The following ITFG1 variants were observed in gnomAD, a reference collection of about 807,000 sequenced individuals.
The protein encoded by ITFG1 is integrin alpha FG-GAP repeat containing 1.
A neutral mutation model predicts 81.8 loss-of-function variants in ITFG1; 34 were observed. The ratio of observed to expected loss-of-function variants is 0.42; its 90% CI spans 0.32 to 0.55. ITFG1 has a LOEUF of 0.55. Ranked by LOEUF, ITFG1 falls within the 20% of genes least tolerant of loss-of-function variation. ITFG1 has a pLI of 0.17. For missense variants in ITFG1, 672 were observed against 755.4 expected, an observed-to-expected ratio of 0.89 and a Z score of 1.29; for synonymous variants, 285 against 270.6, an observed-to-expected ratio of 1.05 and a Z score of -0.52.
intron 14 of ITFG1, among the ~76,000 whole-genome samples, chr16:47,214,385 A>G (rs1185153101): frequency 6.6e-6 from 1 of 152,224 alleles, no homozygotes; most frequent in Non-Finnish European, 1.5e-5. Context: ...TAAGTCGTTT[A>G]TGGGGTAGAA....
intron 5 of ITFG1, among the ~76,000 whole-genome samples, chr16:47,440,841 C>G (rs1278571585): frequency 1.3e-5 from 2 of 152,082 alleles, no homozygotes; most frequent in African/African-American, 4.8e-5. Context: ...AAGATCAGAG[C>G]AGAACTGAAG....
chr16:47,356,301 A>G (rs1318134180), intron 8 of ITFG1, among the ~76,000 whole-genome samples: 2 of 152,254 alleles, frequency 1.3e-5, no homozygotes, highest in African/African-American at 4.8e-5. Context: ...GCATTATGAA[A>G]AAGAAGCAAA....
At chr16:47,367,853 C>T (rs1007162986) in intron 7 of ITFG1, among the ~76,000 whole-genome samples, 10 of 152,190 alleles carry the variant, frequency 6.6e-5, no homozygotes, top group African/African-American at 2.4e-4. Context: ...GCTTTCCCTC[C>T]AGTCTTACCT....
chr16:47,387,887 A>G (rs1415533510), intron 6 of ITFG1, among the ~76,000 whole-genome samples: 1 of 152,178 alleles, frequency 6.6e-6, no homozygotes, highest in Non-Finnish European at 1.5e-5. Context: ...GAGAGGGACC[A>G]GATGTAAATT....
intron 6 of ITFG1, among the ~76,000 whole-genome samples, chr16:47,423,826 G>A (rs1968983546): frequency 6.6e-6 from 1 of 152,116 alleles, no homozygotes; most frequent in African/African-American, 2.4e-5. Context: ...TCCCTTTGTG[G>A]GTAACCCGAC....
intron 13 of ITFG1, among the ~76,000 whole-genome samples, chr16:47,225,862 T>C (rs539469196): frequency 1.3e-5 from 2 of 152,196 alleles, no homozygotes; most frequent in Non-Finnish European, 2.9e-5. Flanking sequence ...TAAAGAGTAC[T>C]GTTAAAGGTA....
chr16:47,282,521 G>T (rs1280827460), intron 10 of ITFG1, among the ~76,000 whole-genome samples: 1 of 151,992 alleles, frequency 6.6e-6, no homozygotes, highest in Non-Finnish European at 1.5e-5. Flanking sequence ...TGATTCCATA[G>T]CTTTGCTACT....
intron 6 of ITFG1, among the ~76,000 whole-genome samples, chr16:47,404,702 C>A (rs1968706244): frequency 6.6e-6 from 1 of 152,112 alleles, no homozygotes; most frequent in Admixed American, 6.6e-5. Context: ...TAAATGTTAT[C>A]ACTTTTCTGA....
At chr16:47,263,161 G>T in intron 10 of ITFG1, 1 of 301,854 alleles carries the variant, frequency 3.3e-6, no homozygotes, top group Non-Finnish European at 6.8e-6. Flanking sequence ...GCATGGGGCT[G>T]TCCATAGGCA....
intron 16 of ITFG1, among the ~76,000 whole-genome samples, chr16:47,160,514 G>A (rs563539078): frequency 6.6e-6 from 1 of 151,850 alleles, no homozygotes; most frequent in South Asian, 2.1e-4. Context: ...TCCTACTCAT[G>A]GTCCAGATTT....
At chr16:47,289,749 G>A (rs1449092396) in intron 10 of ITFG1, among the ~76,000 whole-genome samples, 1 of 151,274 alleles carries the variant, frequency 6.6e-6, no homozygotes, top group Non-Finnish European at 1.5e-5. Context: ...TTTTTATCTA[G>A]ATGAGTCTAG....
intron 8 of ITFG1, among the ~76,000 whole-genome samples, chr16:47,319,482 A>G (rs1453007242): frequency 6.6e-6 from 1 of 152,200 alleles, no homozygotes; most frequent in Non-Finnish European, 1.5e-5. Context: ...TTTAGCTTGC[A>G]ACTTAATCTC....
intron 2 of ITFG1, among the ~76,000 whole-genome samples, chr16:47,455,389 T>TAA (rs1194363544): frequency 7.3e-6 from 1 of 136,748 alleles, no homozygotes; most frequent in Non-Finnish European, 1.6e-5. Flanking sequence ...AGTCTGTCTA[T>TAA]AAAAAAAAAA....
chr16:47,307,109 A>C (rs1398779899), intron 10 of ITFG1, among the ~76,000 whole-genome samples: 2 of 147,900 alleles, frequency 1.4e-5, no homozygotes, highest in Non-Finnish European at 3.0e-5. Context: ...AAAAAAAAAA[A>C]AAAAAAAAAA....
intron 6 of ITFG1, among the ~76,000 whole-genome samples, chr16:47,405,870 G>C (rs1050200454): frequency 6.6e-6 from 1 of 152,174 alleles, no homozygotes; most frequent in African/African-American, 2.4e-5. Flanking sequence ...CCTGGATTAA[G>C]TCCTGGTTCT....
intron 13 of ITFG1, among the ~76,000 whole-genome samples, chr16:47,223,332 C>A (rs1488648871): frequency 6.6e-6 from 1 of 152,218 alleles, no homozygotes; most frequent in East Asian, 1.9e-4. Flanking sequence ...TCGCAACCTA[C>A]TCATCTGACA....
At position 47,260,580 on chromosome 16, in the gene ITFG1, C is replaced by A; in HGVS notation, c.1186G>T (p.Ala396Ser). Residue 396 changes from alanine to serine, a missense_variant, in exon 11 of 18, where the codon GCC (alanine) becomes TCC (serine). Transcript: ENST00000320640. ...ELTDLNQIKD[A>S]MVATFFDIYE... ...ATGTCAAAGAAGGTGGCAACCATGGCATCCTTAATTTGATTTAGGTCTGTC... is the reference window on the plus strand; with the variant it reads ...ATGTCAAAGAAGGTGGCAACCATGGAATCCTTAATTTGATTTAGGTCTGTC... The A allele has an allele frequency of 6.2e-7, 1 of 1,614,148 alleles. No homozygotes were observed. The highest frequency in any genetic ancestry group is 8.5e-7 in the Non-Finnish European group (1 of 1,180,010).
chr16:47,340,915 G>C (rs149306177), intron 8 of ITFG1, among the ~76,000 whole-genome samples: 1 of 151,886 alleles, frequency 6.6e-6, no homozygotes, highest in Non-Finnish European at 1.5e-5. Flanking sequence ...ATGACTAAAA[G>C]GACAATTCAC....
chr16:47,380,447 T>G (rs2151592143), intron 6 of ITFG1, among the ~76,000 whole-genome samples: 1 of 152,326 alleles, frequency 6.6e-6, no homozygotes. Context: ...AAAGTAAGGT[T>G]AAATTACAGT....
Sources: gnomAD v4.1 joint callset for allele counts (sites outside exome capture counted in the v4.1 genomes callset) on GRCh38, gnomAD v4.1.1 for gene constraint, MANE v1.5 for transcripts, NCBI Gene and HGNC (gene_info 2026-07-23, HGNC 2026-07-21) for gene names.